KLF8: variants seen among roughly 807,000 people sequenced by gnomAD.
The protein encoded by KLF8 is Krueppel-like factor 8.
In KLF8, 10 loss-of-function variants were observed where a neutral mutation model predicts 18.2. That is an observed-to-expected ratio of 0.55 (90% CI 0.34 to 0.93). KLF8 has a LOEUF of 0.93. Ranked by LOEUF, KLF8 falls within the 40% of genes least tolerant of loss-of-function variation. KLF8 has a pLI of 0.02. For missense variants in KLF8, 264 were observed against 277.9 expected, an observed-to-expected ratio of 0.95 and a Z score of 0.36; for synonymous variants, 109 against 97.3, an observed-to-expected ratio of 1.12 and a Z score of -0.71.
chrX:56,058,177 C>T, the KLF8 span, among the ~76,000 whole-genome samples: 9 of 73,806 alleles, frequency 1.2e-4, no homozygotes, highest in African/African-American at 5.1e-4. Flanking sequence ...TATATATATA[C>T]ACACATATAT....
At chrX:56,189,068 T>C in the KLF8 span, among the ~76,000 whole-genome samples, 3 of 111,284 alleles carry the variant, frequency 2.7e-5, no homozygotes, top group African/African-American at 6.5e-5. Context: ...GAAACTACCA[T>C]CAGAGTGAAC....
chrX:56,044,760 G>C, the KLF8 span, among the ~76,000 whole-genome samples: 5 of 112,299 alleles, frequency 4.5e-5, no homozygotes, highest in South Asian at 1.9e-3. Context: ...ATTGCCATTG[G>C]CTGGATGGGA....
chrX:56,148,153 C>T, the KLF8 span, among the ~76,000 whole-genome samples: 5 of 111,700 alleles, frequency 4.5e-5, no homozygotes, highest in Non-Finnish European at 9.4e-5. Flanking sequence ...GCATGCACAC[C>T]CTCAGAAATT....
At chrX:56,001,670 G>T in the KLF8 span, among the ~76,000 whole-genome samples, 1 of 111,669 alleles carries the variant, frequency 9.0e-6, no homozygotes, top group Non-Finnish European at 1.9e-5. Flanking sequence ...GTTCCCACTT[G>T]CTCTTCAACC....
chrX:56,110,302 A>C, the KLF8 span, among the ~76,000 whole-genome samples: 6 of 111,007 alleles, frequency 5.4e-5, no homozygotes, highest in Non-Finnish European at 9.4e-5. Flanking sequence ...TTTGGTTACT[A>C]TTTGCATGGA....
At chrX:55,935,683 T>A in the KLF8 span, among the ~76,000 whole-genome samples, 1 of 112,087 alleles carries the variant, frequency 8.9e-6, no homozygotes, top group African/African-American at 3.2e-5. Flanking sequence ...GGAGGACAAA[T>A]TGCAGAATGC....
chrX:56,074,432 A>C, the KLF8 span: 14,009 of 110,969 alleles, frequency 0.13, 1,605 homozygotes, highest in African/African-American at 0.37. Flanking sequence ...TAGATTATAT[A>C]TTTAGGTGAT....
chrX:56,053,346 A>G, the KLF8 span, among the ~76,000 whole-genome samples: 1 of 111,033 alleles, frequency 9.0e-6, no homozygotes, highest in East Asian at 2.8e-4. Flanking sequence ...CCAATTTTTA[A>G]TTCTATGAAT....
the KLF8 span, among the ~76,000 whole-genome samples, chrX:56,116,559 T>A: frequency 9.4e-6 from 1 of 106,796 alleles, no homozygotes; most frequent in East Asian, 3.0e-4. Flanking sequence ...ATGTGGGATT[T>A]TTTCCCCCAG....
chrX:56,121,894 C>G, the KLF8 span, among the ~76,000 whole-genome samples: 1 of 112,119 alleles, frequency 8.9e-6, no homozygotes, highest in Non-Finnish European at 1.9e-5. Context: ...TGTGCAAACC[C>G]TTGCACTTAG....
At chrX:56,009,056 C>T in the KLF8 span, among the ~76,000 whole-genome samples, 1 of 110,986 alleles carries the variant, frequency 9.0e-6, no homozygotes, top group African/African-American at 3.3e-5. Context: ...CAACATTACC[C>T]CCAGCACCAA....
At chrX:56,065,409 G>A in the KLF8 span, among the ~76,000 whole-genome samples, 2 of 111,618 alleles carry the variant, frequency 1.8e-5, no homozygotes, top group Admixed American at 9.5e-5. Flanking sequence ...GAATTAATTA[G>A]TTCCAGATTT....
intron 5 of KLF8, among the ~76,000 whole-genome samples, chrX:56,282,291 C>T (rs1305885801): frequency 3.6e-5 from 4 of 112,015 alleles, no homozygotes; most frequent in Non-Finnish European, 7.5e-5. Context: ...TCCTACTCTC[C>T]GTGAGCATGT....
At chrX:56,047,952 G>T in the KLF8 span, among the ~76,000 whole-genome samples, 1 of 111,601 alleles carries the variant, frequency 9.0e-6, no homozygotes, top group African/African-American at 3.3e-5. Flanking sequence ...TTTAATGATT[G>T]CCATTCTAAC....
At chrX:56,022,634 G>T in the KLF8 span, among the ~76,000 whole-genome samples, 90 of 106,847 alleles carry the variant, frequency 8.4e-4, no homozygotes, top group African/African-American at 3.1e-3. Flanking sequence ...ATTTTAATTT[G>T]CCCTGTTCCT....
chrX:56,079,635 A>T, the KLF8 span, among the ~76,000 whole-genome samples: 2 of 111,279 alleles, frequency 1.8e-5, no homozygotes, highest in East Asian at 5.6e-4. Context: ...TGTGGTGGAG[A>T]GTTCTGTAGA....
At chrX:56,161,295 C>T in the KLF8 span, among the ~76,000 whole-genome samples, 2 of 111,362 alleles carry the variant, frequency 1.8e-5, no homozygotes, top group Non-Finnish European at 3.8e-5. Context: ...GTGGGTAACC[C>T]GACCTTTGAA....
chrX:55,967,865 A>G, the KLF8 span, among the ~76,000 whole-genome samples: 7 of 112,033 alleles, frequency 6.2e-5, no homozygotes, highest in African/African-American at 1.9e-4. Flanking sequence ...CACAAATTTT[A>G]AAAGTGGGGA....
chrX:56,265,909 T>C, intron 3 of KLF8, 165 bp downstream of exon 3: 1 of 1,049,330 alleles, frequency 9.5e-7, no homozygotes, highest in African/African-American at 1.9e-5. Context: ...CTTAAGAATG[T>C]ACAATGAGTC....
Sources: gnomAD v4.1 joint callset for allele counts (sites outside exome capture counted in the v4.1 genomes callset) on GRCh38, gnomAD v4.1.1 for gene constraint, MANE v1.5 for transcripts, NCBI Gene and HGNC (gene_info 2026-07-23, HGNC 2026-07-21) for gene names.